The following WDR17 variants were observed in gnomAD, a reference collection of about 807,000 sequenced individuals.
WDR17 encodes the protein WD repeat-containing protein 17.
WDR17 carries 143 observed loss-of-function variants against 161.7 expected under a neutral mutation model. That is an observed-to-expected ratio of 0.88 (90% CI 0.77 to 1.02). The LOEUF (loss-of-function observed/expected upper bound fraction) is 1.02, where lower values mean the gene tolerates loss of function less well. Ranked by LOEUF, WDR17 falls within the 50% of genes least tolerant of loss-of-function variation. WDR17 has a pLI of 0.00. For missense variants in WDR17, 1,469 were observed against 1,520.9 expected (o/e 0.97, Z 0.57); for synonymous variants, 517 against 515.6 (o/e 1.00, Z -0.04).
At position 176,109,161 on chromosome 4, in the gene WDR17, A is replaced by G. The variant is rs374233981; in HGVS notation, c.-6-2414A>G. Among the ~76,000 whole-genome samples the G allele has an allele frequency of 2.0e-5, 3 of 152,302 alleles. No homozygotes were observed. The East Asian group carries it at 5.8e-4, about 29-fold the overall frequency. ...TGTTTCTTTTCCAAATATAAACTCA[A>G]TATTTGGTTAAACAGAAATCAAAAG... is the stretch of plus-strand genomic sequence containing the variant. On this transcript the variant is annotated intron_variant, in intron 1 of 28. Coordinates refer to ENST00000508596, the MANE Select transcript of WDR17 (RefSeq NM_181265.4).
chr4:176,153,137 T>A (rs963438191), intron 17 of WDR17, among the ~76,000 whole-genome samples: 10 of 152,164 alleles, frequency 6.6e-5, no homozygotes, highest in Non-Finnish European at 7.4e-5. Flanking sequence ...TGTGTTTTCA[T>A]AAGCCCTCCA....
chr4:176,128,852 G>A lies in WDR17; in HGVS notation c.905G>A (p.Arg302Lys), dbSNP rs1561144229. 1 of 1,560,398 alleles carries A rather than the reference G, an allele frequency of 6.4e-7. No homozygotes were observed. Among genetic ancestry groups the A allele is most frequent in the African/African-American group, 1.4e-5 (1 of 71,624 alleles). The change falls in exon 6 of 29, where the codon AGA becomes AAA. Residue 302 changes from arginine (R) to lysine (K), a missense_variant. By Grantham distance (26) the Arg-to-Lys change is conservative (BLOSUM62 2). Coordinates refer to ENST00000508596, the MANE Select transcript of WDR17 (RefSeq NM_181265.4). ...HCLHVLNSPPRKKFSVQSPTK... is the reference protein window; with the variant it reads ...HCLHVLNSPPKKKFSVQSPTK... ...TTACATGTACTTAATTCTCCTCCAA[G>A]AAAAAAGTGTAAGTAAAAATGTTAT...
chr4:176,132,952 C>A (rs1055348712), intron 7 of WDR17, among the ~76,000 whole-genome samples: 8 of 151,602 alleles, frequency 5.3e-5, no homozygotes, highest in Non-Finnish European at 1.0e-4. Flanking sequence ...TCCTGAGTTG[C>A]TTTACATCAG....
chr4:176,106,278 A>G (rs1269662135), intron 1 of WDR17, among the ~76,000 whole-genome samples: 4 of 151,620 alleles, frequency 2.6e-5, no homozygotes, highest in African/African-American at 9.7e-5. Flanking sequence ...CTGCAAATAT[A>G]TATAAATTTA....
chr4:176,083,725 T>C (rs1243256230), intron 1 of WDR17, among the ~76,000 whole-genome samples: 5 of 152,146 alleles, frequency 3.3e-5, no homozygotes, highest in Admixed American at 1.3e-4. Flanking sequence ...ATGGGGTATG[T>C]ATTTGTTCGG....
intron 1 of WDR17, among the ~76,000 whole-genome samples, chr4:176,070,625 C>A (rs928244352): frequency 6.6e-6 from 1 of 151,910 alleles, no homozygotes; most frequent in Non-Finnish European, 1.5e-5. Flanking sequence ...TCAATCCCCC[C>A]ACAGCAGCCT....
intron 4 of WDR17, among the ~76,000 whole-genome samples, chr4:176,124,822 T>C (rs1561137097): frequency 6.6e-6 from 1 of 152,210 alleles, no homozygotes; most frequent in Non-Finnish European, 1.5e-5. Context: ...TCAGAGTATG[T>C]TATTTATCTG....
chr4:176,078,915 A>G (rs890806048), intron 1 of WDR17, among the ~76,000 whole-genome samples: 5 of 152,102 alleles, frequency 3.3e-5, no homozygotes, highest in Admixed American at 6.6e-5. Flanking sequence ...TTGAAAATAT[A>G]TAATAAATTA....
intron 1 of WDR17, among the ~76,000 whole-genome samples, chr4:176,100,365 C>A (rs908818302): frequency 6.6e-6 from 1 of 152,040 alleles, no homozygotes; most frequent in Non-Finnish European, 1.5e-5. Flanking sequence ...TACCTCTTGG[C>A]CATTTGTATG....
At chr4:176,098,535 G>T (rs760765946) in intron 1 of WDR17, among the ~76,000 whole-genome samples, 2 of 151,876 alleles carry the variant, frequency 1.3e-5, no homozygotes, top group African/African-American at 2.4e-5. Context: ...TTTTAGTAAT[G>T]CAGAATCATG....
intron 23 of WDR17, among the ~76,000 whole-genome samples, chr4:176,170,662 G>T (rs1296461096): frequency 1.3e-5 from 2 of 152,106 alleles, no homozygotes; most frequent in African/African-American, 4.8e-5. Context: ...AAGAATATAG[G>T]CAGTTAGCTA....
rs868340740 is a variant in WDR17 at position 176,109,927 on chromosome 4, G to A, written c.-6-1648G>A. ...ATTGACTACCCAATATATTAGTCACGTAAAACCAAATTTATTATAGCTCTC... is the reference window on the plus strand; with the variant it reads ...ATTGACTACCCAATATATTAGTCACATAAAACCAAATTTATTATAGCTCTC... On this transcript the variant is annotated intron_variant, in intron 1 of 28. Coordinates refer to ENST00000508596, the MANE Select transcript of WDR17 (RefSeq NM_181265.4). Among the ~76,000 whole-genome samples, 13 of 152,144 alleles carry A rather than the reference G, an allele frequency of 8.5e-5. No homozygotes were observed. In the South Asian group the frequency reaches 1.9e-3, roughly 22 times the overall value.
intron 1 of WDR17, chr4:176,096,446 C>A: frequency 8.1e-7 from 1 of 1,241,700 alleles, no homozygotes; most frequent in Non-Finnish European, 1.1e-6. Flanking sequence ...GGTTGAAACA[C>A]ATTGTTGTTA....
intron 18 of WDR17, among the ~76,000 whole-genome samples, chr4:176,156,676 G>T (rs1353850088): frequency 2.4e-5 from 3 of 125,002 alleles, no homozygotes; most frequent in East Asian, 2.4e-4. Flanking sequence ...TGGGGTTGCC[G>T]TAAAAAAAAA....
At position 176,160,976 on chromosome 4, in the gene WDR17, T is replaced by G; in HGVS notation, c.2724T>G (p.Asp908Glu). ...TGCCTAAAGGAGCTTCATATTCTGA[T>G]GATATCTACAAGGAAGACTTTAATG... Reference protein sequence around the residue: ...VSVPKGASYSDDIYKEDFNEL... With the variant: ...VSVPKGASYSEDIYKEDFNEL... Residue 908 changes from aspartate (D) to glutamate (E), a missense_variant, in exon 20 of 29, where the codon GAT becomes GAG. Coordinates refer to ENST00000508596, the MANE Select transcript of WDR17 (RefSeq NM_181265.4). The G allele has an allele frequency of 1.2e-6, 2 of 1,610,612 alleles. No homozygotes were observed. The highest frequency in any genetic ancestry group is 1.7e-6 in the Non-Finnish European group (2 of 1,178,424).
intron 1 of WDR17, among the ~76,000 whole-genome samples, chr4:176,102,924 C>T (rs561392047): frequency 3.7e-4 from 57 of 152,260 alleles, no homozygotes; most frequent in South Asian, 2.7e-3. Context: ...ATCTTGCAAG[C>T]AGCTTATGTG....
At chr4:176,128,515 A>C (rs1742814345) in intron 5 of WDR17, among the ~76,000 whole-genome samples, 1 of 152,196 alleles carries the variant, frequency 6.6e-6, no homozygotes, top group Non-Finnish European at 1.5e-5. Flanking sequence ...TTCTAAACCT[A>C]TAAAAGGTTT....
intron 18 of WDR17, among the ~76,000 whole-genome samples, chr4:176,158,541 T>C (rs924647071): frequency 6.6e-6 from 1 of 152,204 alleles, no homozygotes; most frequent in African/African-American, 2.4e-5. Context: ...TTTGGACATG[T>C]TGAGCTTGAA....
intron 23 of WDR17, among the ~76,000 whole-genome samples, chr4:176,170,835 A>T (rs1259558940): frequency 6.6e-6 from 1 of 152,354 alleles, no homozygotes; most frequent in Non-Finnish European, 1.5e-5. Flanking sequence ...TTTCACAAGT[A>T]CAGATGCTCC....
Sources: allele counts gnomAD v4.1 joint callset (sites outside exome capture counted in the v4.1 genomes callset), GRCh38; gene constraint gnomAD v4.1.1; transcripts MANE v1.5; gene names NCBI Gene and HGNC (gene_info 2026-07-23, HGNC 2026-07-21).